The following ATP8A2 variants were observed in gnomAD, a reference collection of about 807,000 sequenced individuals.
ATP8A2 encodes the protein phospholipid-transporting ATPase IB.
Under a neutral mutation model 165.6 loss-of-function variants are expected in ATP8A2, and 100 were observed. The ratio of observed to expected loss-of-function variants is 0.60; its 90% CI spans 0.51 to 0.71. The LOEUF is 0.71. ATP8A2 is among the 30% of genes least tolerant of loss of function. The probability of loss-of-function intolerance (pLI) is 0.00; values close to 1 mark genes in which losing one functional copy is unlikely to be tolerated. For missense variants in ATP8A2, 1,227 were observed against 1,479.5 expected (o/e 0.83, Z 2.80); for synonymous variants, 543 against 548.8 (o/e 0.99, Z 0.15).
chr13:25,968,083 C>T (rs1053314433), intron 34 of ATP8A2, among the ~76,000 whole-genome samples: 1 of 152,272 alleles, frequency 6.6e-6, no homozygotes, highest in Non-Finnish European at 1.5e-5. Flanking sequence ...TCCTAAGCCC[C>T]GTGGCTGCTG....
At chr13:26,016,306 C>G (rs569623145) in intron 36 of ATP8A2, among the ~76,000 whole-genome samples, 82 of 152,278 alleles carry the variant, frequency 5.4e-4, no homozygotes, top group Non-Finnish European at 1.0e-3. Flanking sequence ...CTCTACTTAC[C>G]CTGGGAGGTT....
chr13:25,716,748 T>C (rs1242817255), intron 25 of ATP8A2, among the ~76,000 whole-genome samples: 1 of 152,170 alleles, frequency 6.6e-6, no homozygotes, highest in Non-Finnish European at 1.5e-5. Flanking sequence ...ACTGGAACTA[T>C]GATCATAAAC....
intron 24 of ATP8A2, among the ~76,000 whole-genome samples, chr13:25,596,385 T>G (rs2040236970): frequency 6.6e-6 from 1 of 152,234 alleles, no homozygotes; most frequent in African/African-American, 2.4e-5. Flanking sequence ...TATATAAGCA[T>G]GTAATCACCA....
At chr13:25,894,697 T>C (rs1316991839) in intron 33 of ATP8A2, among the ~76,000 whole-genome samples, 2 of 152,220 alleles carry the variant, frequency 1.3e-5, no homozygotes, top group African/African-American at 4.8e-5. Context: ...CTTTGTATCC[T>C]CTTTTATTTC....
intron 1 of ATP8A2, among the ~76,000 whole-genome samples, chr13:25,398,847 A>C (rs1286455040): frequency 3.3e-5 from 5 of 152,150 alleles, no homozygotes; most frequent in African/African-American, 4.8e-5. Context: ...ACCAAGAAAG[A>C]CTTCATGAGA....
intron 27 of ATP8A2, among the ~76,000 whole-genome samples, chr13:25,802,887 G>A (rs1242959608): frequency 6.6e-6 from 1 of 151,870 alleles, no homozygotes; most frequent in Non-Finnish European, 1.5e-5. Flanking sequence ...GATGAAATAT[G>A]CGCACAGAAA....
intron 1 of ATP8A2, among the ~76,000 whole-genome samples, chr13:25,385,533 T>C (rs1282054396): frequency 6.6e-6 from 1 of 152,238 alleles, no homozygotes; most frequent in Non-Finnish European, 1.5e-5. Context: ...AAAAAAGACA[T>C]TGTTATTATT....
At chr13:25,768,378 G>A (rs914398861) in intron 25 of ATP8A2, among the ~76,000 whole-genome samples, 1 of 152,052 alleles carries the variant, frequency 6.6e-6, no homozygotes, top group African/African-American at 2.4e-5. Context: ...CCCTTCCTAT[G>A]CAGGGGCTGA....
At chr13:25,506,689 C>G (rs1337823735) in intron 2 of ATP8A2, among the ~76,000 whole-genome samples, 4 of 152,160 alleles carry the variant, frequency 2.6e-5, no homozygotes, top group Admixed American at 6.5e-5. Context: ...GGAGCAGCAT[C>G]TGTGACACTG....
chr13:25,933,442 TCACAGGGTTTC>T (rs1243657998), intron 33 of ATP8A2, among the ~76,000 whole-genome samples: 1 of 152,246 alleles, frequency 6.6e-6, no homozygotes, highest in Non-Finnish European at 1.5e-5. Flanking sequence ...AAATTCAAGA[TCACAGGGTTTC>T]CTCTGTTAAT....
At chr13:25,911,885 G>A (rs1954115417) in intron 33 of ATP8A2, among the ~76,000 whole-genome samples, 1 of 152,090 alleles carries the variant, frequency 6.6e-6, no homozygotes. Context: ...AAAATTAACT[G>A]TGGAGAAAAG....
intron 25 of ATP8A2, among the ~76,000 whole-genome samples, chr13:25,738,341 C>CT (rs2043827844): frequency 3.1e-4 from 3 of 9,788 alleles, no homozygotes; most frequent in Non-Finnish European, 6.4e-4. Context: ...GTGCCCCCCT[C>CT]CCCCCCCCCC....
intron 11 of ATP8A2, among the ~76,000 whole-genome samples, chr13:25,553,181 T>C (rs1361969073): frequency 1.4e-5 from 2 of 146,194 alleles, no homozygotes; most frequent in Non-Finnish European, 3.0e-5. Context: ...CCCCCAGACC[T>C]TGTCCCCCTC....
intron 33 of ATP8A2, among the ~76,000 whole-genome samples, chr13:25,922,865 T>A (rs1274549388): frequency 6.6e-6 from 1 of 152,168 alleles, no homozygotes; most frequent in Non-Finnish European, 1.5e-5. Context: ...CAAATTCTAA[T>A]CCTTGTAGCC....
At chr13:25,930,064 T>C (rs1271167797) in intron 33 of ATP8A2, among the ~76,000 whole-genome samples, 1 of 152,088 alleles carries the variant, frequency 6.6e-6, no homozygotes, top group Non-Finnish European at 1.5e-5. Flanking sequence ...GGGGCTTTTC[T>C]CTCATGGGTC....
rs111246215 is a variant in ATP8A2 at position 25,435,788 on chromosome 13, G to A, written c.77-33189G>A. The stretch of plus-strand genomic sequence containing the variant: ...GAGGCCTGCATAAGGAAAATATAAT[G>A]TAGACTATTAATTTTAGAAGCAATC... On this transcript the variant is annotated intron_variant, in intron 1 of 36. Transcript: ENST00000381655. 4.0e-3 allele frequency among the ~76,000 whole-genome samples: 604 copies of A among 152,130 alleles called. 7 individuals carry two copies. Among genetic ancestry groups the A allele is most frequent in the African/African-American group, 0.013 (557 of 41,486 alleles).
chr13:25,799,420 C>A (rs185839358), intron 27 of ATP8A2, among the ~76,000 whole-genome samples: 1 of 152,310 alleles, frequency 6.6e-6, no homozygotes, highest in African/African-American at 2.4e-5. Flanking sequence ...ATCAAAACAG[C>A]CAATATGCCA....
At chr13:25,746,187 A>G (rs2044027893) in intron 25 of ATP8A2, among the ~76,000 whole-genome samples, 1 of 152,228 alleles carries the variant, frequency 6.6e-6, no homozygotes, top group Non-Finnish European at 1.5e-5. Context: ...GATGTTCTCA[A>G]TGAACTGATG....
chr13:25,498,909 C>T lies in ATP8A2; in HGVS notation c.221+29788C>T, dbSNP rs112061656. On this transcript the variant is annotated intron_variant, in intron 2 of 36. Transcript: ENST00000381655. Reference sequence around the variant, plus strand: ...GCTTTTAGCCACTGTGCTTCATCTTCGGTGGCAGGATACTGAGTCCTGTAC... The same window carrying T: ...GCTTTTAGCCACTGTGCTTCATCTTTGGTGGCAGGATACTGAGTCCTGTAC... Among the ~76,000 whole-genome samples the T allele has an allele frequency of 2.3e-3, 354 of 152,182 alleles. 4 individuals carry two copies. The highest frequency in any genetic ancestry group is 7.8e-3 in the African/African-American group (323 of 41,530).
Sources: allele counts gnomAD v4.1 joint callset (sites outside exome capture counted in the v4.1 genomes callset), GRCh38; gene constraint gnomAD v4.1.1; transcripts MANE v1.5; gene names NCBI Gene and HGNC (gene_info 2026-07-23, HGNC 2026-07-21).